TRIM54: variants seen among roughly 807,000 people sequenced by gnomAD.
TRIM54 encodes the protein tripartite motif containing 54, also known as tripartite motif-containing protein 54.
A neutral mutation model predicts 42.0 loss-of-function variants in TRIM54; 40 were observed. The ratio of observed to expected loss-of-function variants is 0.95; its 90% confidence interval spans 0.74 to 1.24. The LOEUF is 1.24. Among genes scored for constraint, TRIM54 ranks in the 50% most tolerant of loss-of-function variants. The pLI, the probability that TRIM54 is intolerant of heterozygous loss-of-function variation, is 0.00. For missense variants in TRIM54, 485 were observed against 480.3 expected, an observed-to-expected ratio of 1.01 and a Z score of -0.09; for synonymous variants, 199 against 194.9, an observed-to-expected ratio of 1.02 and a Z score of -0.17.
intron 5 of TRIM54, 71 bp downstream of exon 5, chr2:27,305,888 G>A (rs761033479): frequency 4.2e-6 from 6 of 1,426,186 alleles, no homozygotes; most frequent in Non-Finnish European, 5.8e-6. Context: ...GGAGTCCCGG[G>A]TTCAAGTCTT....
chr2:27,300,605 A>G (rs1679008113), intron 3 of TRIM54, among the ~76,000 whole-genome samples: 1 of 151,270 alleles, frequency 6.6e-6, no homozygotes, highest in Non-Finnish European at 1.5e-5. Context: ...ATTTATTAGT[A>G]GTAGTAGTAC....
chr2:27,292,572 G>GAAATGTACCACCTTAACCTTTT (rs1678749490), intron 1 of TRIM54, among the ~76,000 whole-genome samples: 1 of 152,118 alleles, frequency 6.6e-6, no homozygotes, highest in African/African-American at 2.4e-5. Flanking sequence ...CACATAACAT[G>GAAATGTACCACCTTAACCTTTT]AAATGTACCA....
chr2:27,283,764 GCACACACA>G lies in TRIM54; in HGVS notation c.168+873_168+880del, dbSNP rs72401083. 7.6e-5 allele frequency among the ~76,000 whole-genome samples: 9 copies of G among 117,928 alleles called. No individual in the cohort carries two copies. In the South Asian group the frequency reaches 2.1e-3, roughly 28 times the overall value. The allele number at this position is 117,928 out of a possible 152,430, so 77.4% of individuals were successfully genotyped here. Reference sequence around the variant, plus strand: ...AGATCAGGGAGAGTGAGGGGCAAAGGCACACACACACACACGCGCGCACACACACACAC... The same window carrying G: ...AGATCAGGGAGAGTGAGGGGCAAAGGCACACACGCGCGCACACACACACAC... On this transcript the variant is annotated intron_variant, in intron 1 of 8. Coordinates refer to ENST00000380075, the MANE Select transcript of TRIM54 (RefSeq NM_187841.3).
intron 1 of TRIM54, among the ~76,000 whole-genome samples, chr2:27,292,412 C>CT (rs1030447852): frequency 6.6e-6 from 1 of 152,048 alleles, no homozygotes; most frequent in Non-Finnish European, 1.5e-5. Context: ...TCTGCAGAAA[C>CT]TTTTTTTAAA....
chr2:27,282,947 TG>T, intron 1 of TRIM54, 48 bp downstream of exon 1: 5 of 1,569,218 alleles, frequency 3.2e-6, no homozygotes, highest in Non-Finnish European at 4.3e-6. Context: ...TGCAGACCTG[TG>T]GGGGACTGAT....
Position 27,306,712 on chromosome 2 carries a change from AG to A in TRIM54, c.*2-172del, listed in dbSNP as rs1679228437. On this transcript the variant is annotated intron_variant, in intron 8 of 8. Coordinates refer to ENST00000380075, the MANE Select transcript of TRIM54 (RefSeq NM_187841.3). This position sits in a 1 kb window ranked among gnomAD's most constrained non-coding sequence, Gnocchi z 6.1. ...CCGGAGCCACAAAGGCGCGCCCCCT[AG>A]GGCGGAAAAGTACACTTTCCTCCTC... is the stretch of plus-strand genomic sequence containing the variant. 6.6e-6 allele frequency among the ~76,000 whole-genome samples: 1 copy of A among 152,078 alleles called. No individual in the cohort carries two copies. The highest frequency in any genetic ancestry group is 2.1e-4 in the South Asian group (1 of 4,834).
At chr2:27,289,445 T>G (rs1678661729) in intron 1 of TRIM54, among the ~76,000 whole-genome samples, 1 of 152,020 alleles carries the variant, frequency 6.6e-6, no homozygotes, top group Admixed American at 6.6e-5. Flanking sequence ...GCCTCCCAAG[T>G]CGCTGGGATT....
Position 27,299,275 on chromosome 2 carries a change from C to T in TRIM54, c.372C>T (p.Leu124=), listed in dbSNP as rs747429444. Residue 124 remains leucine, a synonymous_variant, in exon 3 of 9, where the codon CTC becomes CTT. Transcript: ENST00000380075. ...TGCACTCCAAGGCTGAGCAGCACCT[C>T]ATGTGCGAGGAGCATGAAGAAGAGA... is the stretch of plus-strand genomic sequence containing the variant. ...RPLHSKAEQH[L]MCEEHEEEKI... 1.2e-6 allele frequency: 2 copies of T among 1,614,152 alleles called. No individual in the cohort carries two copies. Among genetic ancestry groups the T allele is most frequent in the Non-Finnish European group, 1.7e-6 (2 of 1,180,048 alleles).
chr2:27,284,601 G>A (rs770978021), intron 1 of TRIM54, among the ~76,000 whole-genome samples: 9 of 152,066 alleles, frequency 5.9e-5, no homozygotes, highest in Non-Finnish European at 1.2e-4. Flanking sequence ...AGTCCTACAT[G>A]AGAGGCAATG....
chr2:27,302,503 C>T (rs1463589142), intron 3 of TRIM54, among the ~76,000 whole-genome samples: 7 of 146,270 alleles, frequency 4.8e-5, no homozygotes, highest in Non-Finnish European at 1.1e-4. Context: ...TAAAATCAAG[C>T]AGATTAAGCC....
chr2:27,304,281 T>C (rs1043066026), intron 3 of TRIM54, among the ~76,000 whole-genome samples: 1 of 142,592 alleles, frequency 7.0e-6, no homozygotes, highest in Non-Finnish European at 1.5e-5. Context: ...TATATATAGA[T>C]AGATAGATAT....
chr2:27,288,266 G>A (rs1678631832), intron 1 of TRIM54, among the ~76,000 whole-genome samples: 1 of 152,186 alleles, frequency 6.6e-6, no homozygotes, highest in Non-Finnish European at 1.5e-5. Flanking sequence ...CCTCCAAAAA[G>A]CCCCATTGCA....
At chr2:27,301,951 C>T (rs183858706) in intron 3 of TRIM54, among the ~76,000 whole-genome samples, 78 of 152,096 alleles carry the variant, frequency 5.1e-4, no homozygotes, top group Non-Finnish European at 1.2e-4. Context: ...ATCAGGAGTT[C>T]GAGACCAGCC....
At chr2:27,296,579 G>T (rs1229152999) in intron 1 of TRIM54, among the ~76,000 whole-genome samples, 1 of 152,094 alleles carries the variant, frequency 6.6e-6, no homozygotes, top group Non-Finnish European at 1.5e-5. Context: ...GCTTCAACTT[G>T]AGCCATCCCG....
chr2:27,306,001 G>A lies in TRIM54; in HGVS notation c.844-79G>A. ...ACGTGCCTTCCCACCTACCCCGCAG[G>A]ACTGTGGTGAGATTCAGAAATGGGA... On this transcript the variant is annotated intron_variant, in intron 5 of 8. Transcript: ENST00000380075. This position sits in a 1 kb window ranked among gnomAD's most constrained non-coding sequence, Gnocchi z 6.1. 1 of 1,585,126 alleles carries A rather than the reference G, an allele frequency of 6.3e-7. No individual in the cohort carries two copies. Among genetic ancestry groups the A allele is most frequent in the Non-Finnish European group, 8.6e-7 (1 of 1,160,626 alleles).
intron 1 of TRIM54, among the ~76,000 whole-genome samples, chr2:27,289,743 G>A (rs1250491167): frequency 6.6e-6 from 1 of 151,986 alleles, no homozygotes; most frequent in African/African-American, 2.4e-5. Context: ...AGGATCCTGA[G>A]CAGTGGCACA....
Position 27,282,430 on chromosome 2 carries a change from A to AAC in TRIM54, c.-300_-299dup, listed in dbSNP as rs1678407447. 5.4e-6 allele frequency: 1 copy of AAC among 185,072 alleles called. No homozygotes were observed. The highest frequency in any genetic ancestry group is 1.7e-4 in the South Asian group (1 of 5,734). The allele number at this position is 185,072 out of a possible 1,614,324, so 11.5% of individuals were successfully genotyped here. ...TCTGCTCTCTGGGGAGTAAGGGACA[A>AAC]ACAGTGCTACCCACAGAGTGAACAA... On this transcript the variant is annotated 5_prime_UTR_variant, in exon 1 of 9. Transcript: ENST00000380075.
At chr2:27,295,032 T>C (rs1264385510) in intron 1 of TRIM54, among the ~76,000 whole-genome samples, 2 of 152,108 alleles carry the variant, frequency 1.3e-5, no homozygotes, top group Admixed American at 1.3e-4. Context: ...TAGACTAAGT[T>C]AGGAGTGATT....
chr2:27,303,322 G>A (rs1389184149), intron 3 of TRIM54, among the ~76,000 whole-genome samples: 3 of 152,302 alleles, frequency 2.0e-5, no homozygotes, highest in Admixed American at 6.5e-5. Context: ...TTGGGAGGCC[G>A]AGGCGGGCGG....
Sources: gnomAD v4.1 joint callset for allele counts (sites outside exome capture counted in the v4.1 genomes callset) on GRCh38, gnomAD v4.1.1 for gene constraint, Gnocchi (gnomAD v3.1) non-coding constraint, MANE v1.5 for transcripts, NCBI Gene and HGNC (gene_info 2026-07-23, HGNC 2026-07-21) for gene names.